Variants in DCC observed in about 807,000 individuals in gnomAD.
DCC encodes DCC netrin 1 receptor, also known as netrin receptor DCC.
DCC carries 58 observed loss-of-function variants against 172.5 expected under a neutral mutation model. The observed-to-expected ratio is 0.34, with a 90% CI of 0.27 to 0.42. The LOEUF is 0.42. DCC is among the 10% of genes least tolerant of loss of function. The probability of loss-of-function intolerance (pLI) is 1.00; values close to 1 mark genes in which losing one functional copy is unlikely to be tolerated. For missense variants in DCC, 1,740 were observed against 1,791.0 expected, an observed-to-expected ratio of 0.97 and a Z score of 0.51; for synonymous variants, 709 against 644.5, an observed-to-expected ratio of 1.10 and a Z score of -1.52.
At chr18:53,353,675 G>A (rs2057839601) in intron 15 of DCC, among the ~76,000 whole-genome samples, 2 of 152,148 alleles carry the variant, frequency 1.3e-5, no homozygotes, top group South Asian at 4.2e-4. Context: ...TAGAATTCTA[G>A]GTTGATAAAT....
intron 1 of DCC, among the ~76,000 whole-genome samples, chr18:52,354,155 T>C (rs1984255455): frequency 6.6e-6 from 1 of 152,176 alleles, no homozygotes; most frequent in Non-Finnish European, 1.5e-5. Context: ...CATTCTTGTG[T>C]GCCTGGGATT....
At chr18:52,736,848 T>C (rs565830360) in intron 1 of DCC, among the ~76,000 whole-genome samples, 1 of 152,198 alleles carries the variant, frequency 6.6e-6, no homozygotes, top group African/African-American at 2.4e-5. Context: ...GGTGGATATC[T>C]GGGGTCACAT....
chr18:52,535,240 C>A (rs2032256287), intron 1 of DCC, among the ~76,000 whole-genome samples: 1 of 152,130 alleles, frequency 6.6e-6, no homozygotes, highest in African/African-American at 2.4e-5. Context: ...ATGCAAAATC[C>A]ACTTTCTGGG....
In DCC at chr18:53,051,388, G is replaced by C. The variant is rs2042332826; in HGVS notation, c.986-11917G>C. Among the ~76,000 whole-genome samples the C allele has an allele frequency of 2.0e-5, 3 of 151,964 alleles. No homozygotes were observed. The South Asian group carries it at 6.2e-4, about 31-fold the overall frequency. On this transcript the variant is annotated intron_variant, in intron 5 of 28. Coordinates refer to ENST00000442544, the MANE Select transcript of DCC (RefSeq NM_005215.4). ...GTATCTAAAGTATTTGTTTCACCCT[G>C]TTCAGGTTTATAATGATGGAATTCT...
chr18:53,453,815 C>T (rs2045448003), intron 23 of DCC, among the ~76,000 whole-genome samples: 1 of 152,078 alleles, frequency 6.6e-6, no homozygotes, highest in African/African-American at 2.4e-5. Context: ...TTCTATCATT[C>T]TCTTTAGCTT....
Position 52,513,485 on chromosome 18 carries a change from G to GT in DCC, c.91+172613dup, listed in dbSNP as rs972542223. On this transcript the variant is annotated intron_variant, in intron 1 of 28. Transcript: ENST00000442544. ...TTACTGGCTTATGTTAAGCATTATG[G>GT]TTTTTTAAATTATTATTATTTGTTC... Among the ~76,000 whole-genome samples the GT allele has an allele frequency of 1.8e-4, 27 of 152,112 alleles. No homozygotes were observed. In the East Asian group the frequency reaches 2.1e-3, roughly 12 times the overall value.
At chr18:53,293,877 T>G (rs909481254) in intron 12 of DCC, among the ~76,000 whole-genome samples, 1 of 152,186 alleles carries the variant, frequency 6.6e-6, no homozygotes, top group African/African-American at 2.4e-5. Flanking sequence ...AATACTAGCC[T>G]ACCAGACTCT....
chr18:52,585,273 A>G (rs1312333840), intron 1 of DCC, among the ~76,000 whole-genome samples: 1 of 152,220 alleles, frequency 6.6e-6, no homozygotes, highest in Non-Finnish European at 1.5e-5. Context: ...GTTACATCAT[A>G]CATGTAGCCA....
At chr18:53,451,596 G>T (rs1265183500) in intron 23 of DCC, among the ~76,000 whole-genome samples, 1 of 152,148 alleles carries the variant, frequency 6.6e-6, no homozygotes, top group African/African-American at 2.4e-5. Context: ...ACCTCTGAAA[G>T]CCTGAGGTAT....
intron 2 of DCC, among the ~76,000 whole-genome samples, chr18:52,864,781 G>A (rs2039195059): frequency 6.6e-6 from 1 of 151,422 alleles, no homozygotes; most frequent in Non-Finnish European, 1.5e-5. Context: ...TGTGGTGTTT[G>A]GTTTTCTCTT....
At chr18:52,778,153 G>A (rs2037466959) in intron 2 of DCC, among the ~76,000 whole-genome samples, 2 of 152,238 alleles carry the variant, frequency 1.3e-5, no homozygotes, top group Non-Finnish European at 2.9e-5. Context: ...AAAACTTAAG[G>A]AAGAAATACA....
At chr18:52,571,826 A>G (rs1045913788) in intron 1 of DCC, among the ~76,000 whole-genome samples, 11 of 152,214 alleles carry the variant, frequency 7.2e-5, no homozygotes, top group African/African-American at 2.4e-4. Flanking sequence ...CGTTGGAAGC[A>G]CTGACTTCAA....
At chr18:53,261,243 G>T (rs2056595635) in intron 12 of DCC, among the ~76,000 whole-genome samples, 1 of 152,160 alleles carries the variant, frequency 6.6e-6, no homozygotes, top group Admixed American at 6.5e-5. Flanking sequence ...CCAGTGAGAT[G>T]AACCCGGTAC....
At chr18:53,081,125 C>T (rs1011297772) in intron 7 of DCC, among the ~76,000 whole-genome samples, 2 of 152,046 alleles carry the variant, frequency 1.3e-5, no homozygotes, top group Admixed American at 1.3e-4. Flanking sequence ...CCCCCCTCCC[C>T]TCTTTATTTC....
intron 25 of DCC, among the ~76,000 whole-genome samples, chr18:53,471,550 T>C (rs1359379366): frequency 6.6e-6 from 1 of 152,212 alleles, no homozygotes; most frequent in African/African-American, 2.4e-5. Context: ...TTTTACTATG[T>C]TCTACAAGGT....
At chr18:53,051,287 C>G (rs998715003) in intron 5 of DCC, among the ~76,000 whole-genome samples, 1 of 152,054 alleles carries the variant, frequency 6.6e-6, no homozygotes, top group South Asian at 2.1e-4. Flanking sequence ...GATGAAGTCC[C>G]TGCTGAAAAA....
intron 23 of DCC, among the ~76,000 whole-genome samples, chr18:53,451,571 C>T (rs1425170513): frequency 6.6e-6 from 1 of 152,120 alleles, no homozygotes; most frequent in Non-Finnish European, 1.5e-5. Flanking sequence ...TTCCATTGGC[C>T]TCAGGCATGA....
intron 7 of DCC, among the ~76,000 whole-genome samples, chr18:53,089,782 T>C (rs1191192119): frequency 6.6e-6 from 1 of 152,174 alleles, no homozygotes; most frequent in Non-Finnish European, 1.5e-5. Flanking sequence ...CATAAAGCAG[T>C]GAATTGTTTC....
intron 1 of DCC, among the ~76,000 whole-genome samples, chr18:52,638,115 G>T (rs889229944): frequency 6.6e-6 from 1 of 152,158 alleles, no homozygotes; most frequent in African/African-American, 2.4e-5. Flanking sequence ...ACAAACAAAT[G>T]CTGGGAGAAT....
Sources: allele counts gnomAD v4.1 joint callset (sites outside exome capture counted in the v4.1 genomes callset), GRCh38; gene constraint gnomAD v4.1.1; transcripts MANE v1.5; gene names NCBI Gene and HGNC (gene_info 2026-07-23, HGNC 2026-07-21).